The following SIMC1 variants were observed in gnomAD, a reference collection of about 807,000 sequenced individuals.
SIMC1 encodes SUMO interacting motifs containing 1, also known as SUMO-interacting motif-containing protein 1.
A neutral mutation model predicts 82.3 loss-of-function variants in SIMC1; 55 were observed. The observed-to-expected ratio is 0.67, with a 90% CI of 0.54 to 0.84. SIMC1 has a LOEUF of 0.84. Ranked by LOEUF, SIMC1 falls within the 40% of genes least tolerant of loss-of-function variation. The pLI is 0.00. For missense variants in SIMC1, 915 were observed against 1,107.2 expected, an observed-to-expected ratio of 0.83 and a Z score of 2.46; for synonymous variants, 353 against 426.3, an observed-to-expected ratio of 0.83 and a Z score of 2.12.
intron 1 of SIMC1, among the ~76,000 whole-genome samples, chr5:176,272,119 G>C (rs575351165): frequency 7.4e-6 from 1 of 134,832 alleles, no homozygotes; most frequent in African/African-American, 2.8e-5. Context: ...AAGGCAAGAG[G>C]ATTCCTTGAG....
At chr5:176,256,382 C>A (rs187057072) in intron 1 of SIMC1, among the ~76,000 whole-genome samples, 1 of 152,028 alleles carries the variant, frequency 6.6e-6, no homozygotes, top group Non-Finnish European at 1.5e-5. Flanking sequence ...TAATTATAGC[C>A]AACTTGGTCA....
chr5:176,336,623 T>A, intron 7 of SIMC1, 97 bp from the exon 8 acceptor site: 1 of 1,500,794 alleles, frequency 6.7e-7, no homozygotes, highest in Non-Finnish European at 9.0e-7. Context: ...TAACTGTCTT[T>A]TTTAGGACAA....
chr5:176,337,168 G>A, intron 9 of SIMC1, 22 bp downstream of exon 9: 4 of 1,594,128 alleles, frequency 2.5e-6, no homozygotes, highest in Non-Finnish European at 3.4e-6. Context: ...TTGTTCACAA[G>A]TGGAGTAGTG....
intron 4 of SIMC1, among the ~76,000 whole-genome samples, chr5:176,302,020 C>T (rs1197045802): frequency 6.6e-6 from 1 of 152,158 alleles, no homozygotes; most frequent in Non-Finnish European, 1.5e-5. Flanking sequence ...CTCTTATATA[C>T]TTCAAATCAT....
chr5:176,289,196 T>C (rs538257498), intron 1 of SIMC1, among the ~76,000 whole-genome samples: 5 of 152,324 alleles, frequency 3.3e-5, no homozygotes, highest in Admixed American at 3.3e-4. Flanking sequence ...GTATGATGGA[T>C]TGATAATGCC....
rs751616218 is a variant in SIMC1, at chr5:176,290,657, T to C, written c.1133T>C (p.Val378Ala). ...AGGCCTGACTTTACCCAGAATGATG[T>C]ACAGAACCGTGACATGCCTATGGAT... Reference protein sequence around the residue: ...GDRPDFTQNDVQNRDMPMDIS... With the variant: ...GDRPDFTQNDAQNRDMPMDIS... The change falls in exon 2 of 10, where the codon GTA (valine) becomes GCA (alanine). Residue 378 changes from valine (V) to alanine (A), a missense_variant. Physicochemically the swap from Val to Ala is moderately conservative, Grantham distance 64. Around this residue, in one of 2 missense-constraint regions of SIMC1, gnomAD observed 902 missense variants for 1,040.3 expected, o/e 0.87. Coordinates refer to ENST00000429602, the MANE Select transcript of SIMC1 (RefSeq NM_001308195.2). 1.6e-5 allele frequency: 26 copies of C among 1,613,898 alleles called. No individual in the cohort carries two copies. The East Asian group carries it at 5.6e-4, about 35-fold the overall frequency.
At chr5:176,324,957 A>C (rs1221688917) in intron 7 of SIMC1, among the ~76,000 whole-genome samples, 200 bp downstream of exon 7, 3 of 152,336 alleles carry the variant, frequency 2.0e-5, no homozygotes, top group Non-Finnish European at 4.4e-5. Context: ...TTTGGAAAGG[A>C]GGTTCTCAAC....
chr5:176,324,895 C>A, intron 7 of SIMC1, 138 bp downstream of exon 7: 1 of 1,030,260 alleles, frequency 9.7e-7, no homozygotes, highest in Non-Finnish European at 1.4e-6. Flanking sequence ...AAATTCCAAA[C>A]TAATTAAGAT....
chr5:176,243,151 A>G (rs1481501153), intron 1 of SIMC1, among the ~76,000 whole-genome samples: 5 of 152,144 alleles, frequency 3.3e-5, no homozygotes, highest in Non-Finnish European at 5.9e-5. Flanking sequence ...ATAAGAGAAC[A>G]GTATAATAGT....
chr5:176,273,570 T>G (rs1030988953), intron 1 of SIMC1, among the ~76,000 whole-genome samples: 3 of 152,182 alleles, frequency 2.0e-5, no homozygotes, highest in African/African-American at 7.2e-5. Context: ...TAGTTACATA[T>G]GTATACATGT....
chr5:176,273,771 T>TG (rs1249031348), intron 1 of SIMC1, among the ~76,000 whole-genome samples: 9 of 152,176 alleles, frequency 5.9e-5, no homozygotes, highest in Admixed American at 3.9e-4. Flanking sequence ...TTTTTGTTCT[T>TG]GCGATAGTTT....
intron 4 of SIMC1, among the ~76,000 whole-genome samples, chr5:176,305,142 G>T (rs1264004409): frequency 2.3e-5 from 3 of 128,416 alleles, no homozygotes; most frequent in Non-Finnish European, 3.6e-5. Flanking sequence ...CAGGAGGGGG[G>T]GGGGGTCAGC....
intron 1 of SIMC1, among the ~76,000 whole-genome samples, chr5:176,287,036 G>C (rs567295872): frequency 6.6e-6 from 1 of 152,238 alleles, no homozygotes; most frequent in Non-Finnish European, 1.5e-5. Context: ...TGGTGGGACT[G>C]TAAACTAGTT....
At chr5:176,253,140 CAGAG>C (rs1161107822) in intron 1 of SIMC1, among the ~76,000 whole-genome samples, 1 of 152,126 alleles carries the variant, frequency 6.6e-6, no homozygotes, top group African/African-American at 2.4e-5. Context: ...AAAGGGGAGA[CAGAG>C]AGGGAGAGGG....
At chr5:176,345,102 C>G in intron 9 of SIMC1, 81 bp from the exon 10 acceptor site, 1 of 1,527,986 alleles carries the variant, frequency 6.5e-7, no homozygotes, top group Non-Finnish European at 8.8e-7. Context: ...TTTGCCAAGA[C>G]TCTACCTACC....
intron 1 of SIMC1, among the ~76,000 whole-genome samples, chr5:176,279,278 C>T (rs942115505): frequency 2.6e-5 from 4 of 152,112 alleles, no homozygotes; most frequent in Non-Finnish European, 5.9e-5. Context: ...TTTGTGTATT[C>T]TCTGTAGTAT....
intron 9 of SIMC1, among the ~76,000 whole-genome samples, chr5:176,343,034 C>T (rs1250130929): frequency 6.6e-6 from 1 of 152,166 alleles, no homozygotes; most frequent in Non-Finnish European, 1.5e-5. Context: ...GCTTTGTTTC[C>T]TGTGTTTCCA....
Position 176,322,402 on chromosome 5 carries a change from C to A in SIMC1, c.2019C>A (p.Asn673Lys), listed in dbSNP as rs1223870750. The change falls in exon 6 of 10, where the codon AAC becomes AAA. Residue 673 changes from asparagine to lysine, a missense_variant. Physicochemically the swap from Asn to Lys is moderately conservative, Grantham distance 94 (BLOSUM62 0). Around this residue, in one of 2 missense-constraint regions of SIMC1, gnomAD observed 902 missense variants for 1,040.3 expected, o/e 0.87. Coordinates refer to ENST00000429602, the MANE Select transcript of SIMC1 (RefSeq NM_001308195.2). ...GTAGCCACCCTTCTTCCCAGCCCAA[C>A]CTGACAAAGAACACCAATCAGCTGT... ...ASSSHPSSQP[N>K]LTKNTNQLIV... 1.2e-6 allele frequency: 2 copies of A among 1,609,738 alleles called. No homozygotes were observed. Among genetic ancestry groups the A allele is most frequent in the Non-Finnish European group, 1.7e-6 (2 of 1,178,106 alleles).
intron 9 of SIMC1, among the ~76,000 whole-genome samples, chr5:176,343,339 G>A (rs1766233617): frequency 6.6e-6 from 1 of 152,128 alleles, no homozygotes. Context: ...AAATGATGGT[G>A]TACTTATGTG....
Sources: allele counts gnomAD v4.1 joint callset (sites outside exome capture counted in the v4.1 genomes callset), GRCh38; gene constraint gnomAD v4.1.1; regional missense constraint gnomAD v4.1.1; transcripts MANE v1.5; gene names NCBI Gene and HGNC (gene_info 2026-07-23, HGNC 2026-07-21).